Variants in XRCC5 observed in about 807,000 individuals in gnomAD.
The protein encoded by XRCC5 is DNA repair protein Ku80.
XRCC5 carries 12 observed loss-of-function variants against 95.7 expected under a neutral mutation model. That is an observed-to-expected ratio of 0.13 (90% CI 0.08 to 0.20). XRCC5 has a LOEUF of 0.20. Ranked by LOEUF, XRCC5 falls within the 10% of genes least tolerant of loss-of-function variation. XRCC5 has a pLI of 1.00. For synonymous variants in XRCC5, 281 were observed against 290.3 expected, an observed-to-expected ratio of 0.97 and a Z score of 0.33; for missense variants, 595 against 873.9, an observed-to-expected ratio of 0.68 and a Z score of 4.02.
rs1021415075 is a variant in XRCC5 at position 216,197,446 on chromosome 2, A to AG, written c.2109+2462dup. Among the ~76,000 whole-genome samples, 19 of 101,572 alleles carry AG rather than the reference A, an allele frequency of 1.9e-4. No homozygotes were observed. The South Asian group carries it at 2.0e-3, about 11-fold the overall frequency. The allele number at this position is 101,572 out of a possible 152,430, so 66.6% of individuals were successfully genotyped here. Reference sequence around the variant, plus strand: ...GACAACGAAAGCGAAACTCTGTCCCAGGAAAAAAAAAAAAAAAAAAAAGAC... The same window carrying AG: ...GACAACGAAAGCGAAACTCTGTCCCAGGGAAAAAAAAAAAAAAAAAAAAGAC... On this transcript the variant is annotated intron_variant, in intron 19 of 20. Transcript: ENST00000392132.
At chr2:216,158,955 CA>C (rs1330857484) in intron 14 of XRCC5, among the ~76,000 whole-genome samples, 2 of 151,698 alleles carry the variant, frequency 1.3e-5, no homozygotes, top group African/African-American at 4.8e-5. Flanking sequence ...AGGCTTTGAG[CA>C]AAAAAACAAC....
At chr2:216,144,807 TTGTC>T (rs1189601778) in intron 13 of XRCC5, among the ~76,000 whole-genome samples, 2 of 152,086 alleles carry the variant, frequency 1.3e-5, no homozygotes, top group Admixed American at 1.3e-4. Flanking sequence ...GTGAGTAAGA[TTGTC>T]TGGGAGAGCA....
At chr2:216,125,439 C>T (rs1282789044) in intron 6 of XRCC5, among the ~76,000 whole-genome samples, 2 of 152,072 alleles carry the variant, frequency 1.3e-5, no homozygotes, top group South Asian at 2.1e-4. Context: ...TCAGGTGATC[C>T]GCCTGCCTTG....
At chr2:216,187,786 GAC>G (rs149998611) in intron 16 of XRCC5, among the ~76,000 whole-genome samples, 192 of 64,478 alleles carry the variant, frequency 3.0e-3, no homozygotes, top group Middle Eastern at 0.01. Context: ...ATGAACTCCT[GAC>G]ACACACACAC....
intron 1 of XRCC5, 39 bp downstream of exon 1, chr2:216,109,496 G>C: frequency 1.2e-6 from 2 of 1,612,778 alleles, no homozygotes; most frequent in Non-Finnish European, 1.7e-6. Flanking sequence ...TACCCGGACT[G>C]GGGATCCGGA....
At chr2:216,159,488 C>T (rs960067422) in intron 14 of XRCC5, among the ~76,000 whole-genome samples, 5 of 151,888 alleles carry the variant, frequency 3.3e-5, no homozygotes, top group Non-Finnish European at 5.9e-5. Flanking sequence ...AAAAAGTTTT[C>T]GGGGAAGTTT....
chr2:216,139,558 A>T (rs1697142020), intron 12 of XRCC5, among the ~76,000 whole-genome samples: 1 of 152,142 alleles, frequency 6.6e-6, no homozygotes, highest in African/African-American at 2.4e-5. Flanking sequence ...ATTCTGGGAG[A>T]TACAATTCAA....
intron 4 of XRCC5, among the ~76,000 whole-genome samples, 197 bp downstream of exon 4, chr2:216,117,991 G>A (rs553727504): frequency 2.6e-5 from 4 of 152,092 alleles, no homozygotes; most frequent in Non-Finnish European, 2.9e-5. Context: ...GGCTGTACTC[G>A]GTGATTATTT....
At chr2:216,171,253 C>G (rs1219093934) in intron 16 of XRCC5, among the ~76,000 whole-genome samples, 6 of 152,210 alleles carry the variant, frequency 3.9e-5, no homozygotes, top group Non-Finnish European at 7.3e-5. Context: ...AAAAAATATG[C>G]TGACACAGAA....
Position 216,127,913 on chromosome 2 carries a change from G to A in XRCC5, c.937+239G>A, listed in dbSNP as rs1027832640. On this transcript the variant is annotated intron_variant, in intron 8 of 20. Transcript: ENST00000392132. ...TCTGTGAGTTTTAAATGTCTTAAGT[G>A]ATAGTACTCAATACTTGGCTTTATT... 1.2e-5 allele frequency: 3 copies of A among 259,734 alleles called. No individual in the cohort carries two copies. The Admixed American group carries it at 1.5e-4, about 13-fold the overall frequency. The allele number at this position is 259,734 out of a possible 1,614,324, so 16.1% of individuals were successfully genotyped here. A position where few individuals can be genotyped will look rare whatever the true frequency, so the allele number is the denominator to read the frequency against.
At position 216,159,619 on chromosome 2, in the gene XRCC5, G is replaced by A. The variant is rs3770512; in HGVS notation, c.1671-449G>A. On this transcript the variant is annotated intron_variant, in intron 14 of 20. Coordinates refer to ENST00000392132, the MANE Select transcript of XRCC5 (RefSeq NM_021141.4). The stretch of plus-strand genomic sequence containing the variant: ...ATAAAGCTCTAACATACATGATAGA[G>A]AAAACGGGTTGTTAGACACAAAGGT... Among the ~76,000 whole-genome samples, 191 of 152,308 alleles carry A rather than the reference G, an allele frequency of 1.3e-3. 1 individual carries two copies. In the East Asian group the frequency reaches 0.034, roughly 27 times the overall value.
intron 13 of XRCC5, among the ~76,000 whole-genome samples, chr2:216,145,152 A>G (rs1310762092): frequency 1.3e-5 from 2 of 152,202 alleles, no homozygotes; most frequent in Non-Finnish European, 2.9e-5. Context: ...CAATGCCTAG[A>G]TGAGAAAGAC....
At chr2:216,118,345 T>A (rs901935499) in intron 4 of XRCC5, among the ~76,000 whole-genome samples, 2 of 152,126 alleles carry the variant, frequency 1.3e-5, no homozygotes, top group Non-Finnish European at 2.9e-5. Flanking sequence ...CAGCTAATTT[T>A]AAAATTTTTA....
At chr2:216,195,056 A>C (rs542581912) in intron 19 of XRCC5, 70 bp downstream of exon 19, 31 of 1,481,946 alleles carry the variant, frequency 2.1e-5, no homozygotes, top group Non-Finnish European at 2.7e-5. Flanking sequence ...ATACCCTCGA[A>C]GAAGTTAAAT....
At chr2:216,119,739 T>C (rs369030262) in intron 5 of XRCC5, among the ~76,000 whole-genome samples, 1 of 152,250 alleles carries the variant, frequency 6.6e-6, no homozygotes, top group African/African-American at 2.4e-5. Context: ...GGGAAAAATA[T>C]GTATTTCACA....
Position 216,127,544 on chromosome 2 carries a change from G to C in XRCC5, c.807G>C (p.Gln269His). Residue 269 changes from glutamine to histidine, a missense_variant, in exon 8 of 21, where the codon CAG becomes CAC. By Grantham distance (24) the Gln-to-His change is conservative. Transcript: ENST00000392132. ...GTGTTTTGGAATGTAAGATTCTACA[G>C]GAGAGAGTTAAAAAGACTTGGACAG... is the stretch of plus-strand genomic sequence containing the variant. ...IRIAAYKSILQERVKKTWTVV... is the reference protein window; with the variant it reads ...IRIAAYKSILHERVKKTWTVV... 6.3e-7 allele frequency: 1 copy of C among 1,598,422 alleles called. No homozygotes were observed. Among genetic ancestry groups the C allele is most frequent in the Non-Finnish European group, 8.5e-7 (1 of 1,176,046 alleles).
chr2:216,190,874 G>A (rs1411338823), intron 17 of XRCC5, among the ~76,000 whole-genome samples: 1 of 152,144 alleles, frequency 6.6e-6, no homozygotes, highest in East Asian at 1.9e-4. Context: ...TCCAAATTAT[G>A]TATAGGCTTT....
At chr2:216,109,538 C>A in intron 1 of XRCC5, 81 bp downstream of exon 1, 1 of 1,586,134 alleles carries the variant, frequency 6.3e-7, no homozygotes, top group East Asian at 2.3e-5. Flanking sequence ...ATCGTGGGAT[C>A]GCGGTCAAGA....
chr2:216,183,952 C>T (rs1285171079), intron 16 of XRCC5, among the ~76,000 whole-genome samples: 1 of 151,140 alleles, frequency 6.6e-6, no homozygotes, highest in Non-Finnish European at 1.5e-5. Context: ...ACAAGAATAC[C>T]AAGAGCAAAG....
Sources: gnomAD v4.1 joint callset for allele counts (sites outside exome capture counted in the v4.1 genomes callset) on GRCh38, gnomAD v4.1.1 for gene constraint, MANE v1.5 for transcripts, NCBI Gene and HGNC (gene_info 2026-07-23, HGNC 2026-07-21) for gene names.